Variants in TBL3 observed in about 807,000 individuals in gnomAD.
The protein encoded by TBL3 is transducin beta like 3.
In TBL3, 71 loss-of-function variants were observed where a neutral mutation model predicts 102.7. That is an observed-to-expected ratio of 0.69 (90% CI 0.57 to 0.84). The LOEUF is 0.84. Ranked by LOEUF, TBL3 falls within the 40% of genes least tolerant of loss-of-function variation. TBL3 has a pLI of 0.00. For missense variants in TBL3, 1,188 were observed against 1,098.5 expected (o/e 1.08, Z -1.15); for synonymous variants, 578 against 477.7 (o/e 1.21, Z -2.74).
At position 1,980,924 on chromosome 16, in the gene TBL3, C is replaced by A. The variant is rs1407940530; in HGVS notation, c.*2239C>A. 6.2e-7 allele frequency: 1 copy of A among 1,609,858 alleles called. No individual in the cohort carries two copies. The highest frequency in any genetic ancestry group is 1.3e-5 in the African/African-American group (1 of 74,890). ...AGCCGCCACCGCGGCATCAGGGTGG[C>A]CCAGGGTCACTCACCTTGAGCTGCC... On this transcript the variant is annotated 3_prime_UTR_variant, in exon 22 of 22. Coordinates refer to ENST00000568546, the MANE Select transcript of TBL3 (RefSeq NM_006453.3).
rs1160039893 is a variant in TBL3 at position 1,979,343 on chromosome 16, G to C, written c.*658G>C. 3 of 1,576,590 alleles carry C rather than the reference G, an allele frequency of 1.9e-6. No individual in the cohort carries two copies. Among genetic ancestry groups the C allele is most frequent in the Non-Finnish European group, 2.6e-6 (3 of 1,168,752 alleles). On this transcript the variant is annotated 3_prime_UTR_variant, in exon 22 of 22. Coordinates refer to ENST00000568546, the MANE Select transcript of TBL3 (RefSeq NM_006453.3). ...CCGCGGGGAGTAGGCCCGCCCGGTC[G>C]CCGTACCTGCGAGGGGCGGGGTGTG...
Position 1,978,639 on chromosome 16 carries a change from C to T in TBL3, c.2381C>T (p.Ala794Val). The T allele has an allele frequency of 6.2e-7, 1 of 1,612,652 alleles. No homozygotes were observed. The highest frequency in any genetic ancestry group is 8.5e-7 in the Non-Finnish European group (1 of 1,179,808). The change falls in exon 22 of 22, where the codon GCC becomes GTC. Residue 794 changes from alanine (A) to valine (V), a missense_variant. Physicochemically the swap from Ala to Val is moderately conservative, Grantham distance 64. Coordinates refer to ENST00000568546, the MANE Select transcript of TBL3 (RefSeq NM_006453.3). ...LWHNMKLPVP[A>V]AAPTPWETHK... is the part of the protein sequence containing the mutation. ...CACAACATGAAGCTCCCTGTGCCGG[C>T]CGCCGCCCCCACCCCCTGGGAAACC...
intron 21 of TBL3, 28 bp from the exon 22 acceptor site, chr16:1,978,524 C>T: frequency 6.3e-7 from 1 of 1,592,182 alleles, no homozygotes; most frequent in Non-Finnish European, 8.6e-7. Flanking sequence ...GTGGACCACC[C>T]CCCTGACCTC....
At chr16:1,977,821 C>G (rs1435560861) in intron 18 of TBL3, 21 bp downstream of exon 18, 8 of 1,558,042 alleles carry the variant, frequency 5.1e-6, no homozygotes, top group Non-Finnish European at 7.0e-6. Flanking sequence ...GGCAGTGGCG[C>G]CCCTCCCCGC....
rs779278049 is a variant in TBL3, at chr16:1,978,028, G to C, written c.2029G>C (p.Asp677His). 1 of 1,607,754 alleles carries C rather than the reference G, an allele frequency of 6.2e-7. No individual in the cohort carries two copies. Among genetic ancestry groups the C allele is most frequent in the East Asian group, 2.2e-5 (1 of 44,834 alleles). Residue 677 changes from aspartate to histidine, a missense_variant, in exon 19 of 22, where the codon GAT becomes CAT. Physicochemically the swap from Asp to His is moderately conservative, Grantham distance 81. Transcript: ENST00000568546. Reference protein sequence around the residue: ...LRALGLAISLDRPHTVLTVIQ... With the variant: ...LRALGLAISLHRPHTVLTVIQ... ...GGCGCTGGGCCTGGCCATCTCCCTG[G>C]ATCGGCCCCACACCGTGCTGACTGT...
At chr16:1,976,003 G>C (rs945712841) in intron 11 of TBL3, 53 bp from the exon 12 acceptor site, 1 of 1,614,122 alleles carries the variant, frequency 6.2e-7, no homozygotes, top group Middle Eastern at 1.6e-4. Context: ...TCCCTTGCTT[G>C]CTTCCCTTCC....
rs1207209232 is a variant in TBL3 at position 1,979,769 on chromosome 16, G to A, written c.*1084G>A. 3 of 1,487,400 alleles carry A rather than the reference G, an allele frequency of 2.0e-6. No homozygotes were observed. The South Asian group carries it at 3.7e-5, about 18-fold the overall frequency. 92.1% of individuals were successfully genotyped at this position (1,487,400 alleles called of 1,614,324 possible). A position where few individuals can be genotyped will look rare whatever the true frequency, so the allele number is the denominator to read the frequency against. On this transcript the variant is annotated 3_prime_UTR_variant, in exon 22 of 22. Coordinates refer to ENST00000568546, the MANE Select transcript of TBL3 (RefSeq NM_006453.3). ...CGGTCAAGCCGCAGTGGTGGCGTGA[G>A]GGGTGGGGTTAGGCGCATACCGCTG...
rs1187924287 is a variant in TBL3 at position 1,978,810 on chromosome 16, C to CA, written c.*126dup. On this transcript the variant is annotated 3_prime_UTR_variant, in exon 22 of 22. Coordinates refer to ENST00000568546, the MANE Select transcript of TBL3 (RefSeq NM_006453.3). Reference sequence around the variant, plus strand: ...CACCCTGGCCAACACCCTACCTAGCCAGCCAGAAGGGCACTGGAGCTGATG... The same window carrying CA: ...CACCCTGGCCAACACCCTACCTAGCCAAGCCAGAAGGGCACTGGAGCTGATG... 7 of 1,322,120 alleles carry CA rather than the reference C, an allele frequency of 5.3e-6. No homozygotes were observed. In the African/African-American group the frequency reaches 1.0e-4, roughly 19 times the overall value. 81.9% of individuals were successfully genotyped at this position (1,322,120 alleles called of 1,614,324 possible).
In TBL3 at chr16:1,980,096, G is replaced by A. The variant is rs764216170; in HGVS notation, c.*1411G>A. The A allele has an allele frequency of 1.2e-6, 2 of 1,607,900 alleles. No individual in the cohort carries two copies. The highest frequency in any genetic ancestry group is 1.7e-5 in the Admixed American group (1 of 59,354). On this transcript the variant is annotated 3_prime_UTR_variant, in exon 22 of 22. Coordinates refer to ENST00000568546, the MANE Select transcript of TBL3 (RefSeq NM_006453.3). ...GTACAGAAGGGCTGCAGGCAGCGCA[G>A]GCTCTGAGCCTCCAGACTGTGGATG...
In TBL3 at chr16:1,980,064, G is replaced by GTATCTGTA; in HGVS notation, c.*1380_*1381insATCTGTAT. On this transcript the variant is annotated 3_prime_UTR_variant, in exon 22 of 22. Transcript: ENST00000568546. ...GCGCCTGAAAAGGCCTATCCCGCGT[G>GTATCTGTA]TCCTGGGTACAGAAGGGCTGCAGGC... 1.9e-6 allele frequency: 3 copies of GTATCTGTA among 1,607,996 alleles called. No individual in the cohort carries two copies.
At position 1,973,962 on chromosome 16, in the gene TBL3, T is replaced by C. The variant is rs563251099; in HGVS notation, c.42-94T>C. 2.5e-5 allele frequency: 33 copies of C among 1,329,586 alleles called. No homozygotes were observed. The African/African-American group carries it at 2.9e-4, about 12-fold the overall frequency. 82.4% of individuals were successfully genotyped at this position (1,329,586 alleles called of 1,614,324 possible). A position where few individuals can be genotyped will look rare whatever the true frequency, so the allele number is the denominator to read the frequency against. The stretch of plus-strand genomic sequence containing the variant: ...CCCAGAAACTCAAGGGCAGGGGCCA[T>C]TGGGGTCACTTGGAGAGGAGCACCT... On this transcript the variant is annotated intron_variant, in intron 1 of 21. Coordinates refer to ENST00000568546, the MANE Select transcript of TBL3 (RefSeq NM_006453.3).
At chr16:1,973,037 AG>A (rs993853338) in intron 1 of TBL3, among the ~76,000 whole-genome samples, 3 of 152,122 alleles carry the variant, frequency 2.0e-5, no homozygotes, top group Non-Finnish European at 2.9e-5. Flanking sequence ...AGGGTGGCAG[AG>A]GCTCTTCTGG....
In TBL3 at chr16:1,977,948, C is replaced by G. The variant is rs1397469531; in HGVS notation, c.1959-10C>G. 1.9e-6 allele frequency: 3 copies of G among 1,592,420 alleles called. No homozygotes were observed. The highest frequency in any genetic ancestry group is 2.6e-6 in the Non-Finnish European group (3 of 1,169,348). On this transcript the variant is annotated splice_polypyrimidine_tract_variant and intron_variant, in intron 18 of 21. Coordinates refer to ENST00000568546, the MANE Select transcript of TBL3 (RefSeq NM_006453.3). ...GCGGCCCTCAGTGGCCTCTCCTCCC[C>G]TCCCCACAGGCAGCAAGAGCTGGAC...
At position 1,977,615 on chromosome 16, in the gene TBL3, G is replaced by A. The variant is rs201010941; in HGVS notation, c.1844G>A (p.Arg615Gln). The A allele has an allele frequency of 7.3e-5, 114 of 1,558,026 alleles. No individual in the cohort carries two copies. The South Asian group carries it at 8.9e-4, about 12-fold the overall frequency. The change falls in exon 17 of 22, where the codon CGG becomes CAG. Residue 615 changes from arginine to glutamine, a missense_variant. Coordinates refer to ENST00000568546, the MANE Select transcript of TBL3 (RefSeq NM_006453.3). ...AAGGTCTGGGGGCTGCACTGCAGCCGGCTGGACGACCACGCCCTCACTGGG... is the reference window on the plus strand; with the variant it reads ...AAGGTCTGGGGGCTGCACTGCAGCCAGCTGGACGACCACGCCCTCACTGGG... ...EDKVWGLHCSRLDDHALTGAS... is the reference protein window; with the variant it reads ...EDKVWGLHCSQLDDHALTGAS...
At position 1,979,640 on chromosome 16, in the gene TBL3, C is replaced by T. The variant is rs1453661152; in HGVS notation, c.*955C>T. On this transcript the variant is annotated 3_prime_UTR_variant, in exon 22 of 22. Coordinates refer to ENST00000568546, the MANE Select transcript of TBL3 (RefSeq NM_006453.3). The stretch of plus-strand genomic sequence containing the variant: ...TCTCCTTGCTTGAGTCTGCTGACGG[C>T]GGGGCCGCTCTAAGACCGGTTCGGG... 1.5e-6 allele frequency: 2 copies of T among 1,292,088 alleles called. No individual in the cohort carries two copies. The highest frequency in any genetic ancestry group is 1.9e-4 in the Middle Eastern group (1 of 5,308). The allele number at this position is 1,292,088 out of a possible 1,614,324, so 80.0% of individuals were successfully genotyped here. A position where few individuals can be genotyped will look rare whatever the true frequency, so the allele number is the denominator to read the frequency against.
chr16:1,975,804 G>A lies in TBL3; in HGVS notation c.988-4G>A, dbSNP rs762166959. 30 of 1,613,994 alleles carry A rather than the reference G, an allele frequency of 1.9e-5. No homozygotes were observed. The highest frequency in any genetic ancestry group is 9.9e-5 in the South Asian group (9 of 91,094). ...CACATCTCCTGCTCCCTGCCACCCCGCAGTTCGCTGGCTACAGTGAGGAGG... is the reference window on the plus strand; with the variant it reads ...CACATCTCCTGCTCCCTGCCACCCCACAGTTCGCTGGCTACAGTGAGGAGG... On this transcript the variant is annotated splice_region_variant and splice_polypyrimidine_tract_variant and intron_variant, in intron 10 of 21. Transcript: ENST00000568546.
intron 1 of TBL3, 27 bp from the exon 2 acceptor site, chr16:1,974,029 C>G (rs189813889): frequency 8.5e-4 from 1,306 of 1,528,198 alleles, no homozygotes; most frequent in Middle Eastern, 1.1e-3. Flanking sequence ...GTGGGTGGTG[C>G]TCATTCGCCT....
At chr16:1,976,681 ACCCAGGCCAACCCGCATCC>A in intron 13 of TBL3, 114 bp from the exon 14 acceptor site, 1 of 1,031,934 alleles carries the variant, frequency 9.7e-7, no homozygotes, top group Non-Finnish European at 1.4e-6. Context: ...CCTGGGGGTG[ACCCAGGCCAACCCGCATCC>A]TGGGACAGGC....
At position 1,972,196 on chromosome 16, in the gene TBL3, T is replaced by G. The variant is rs1165844616; in HGVS notation, c.32T>G (p.Phe11Cys). 7.1e-7 allele frequency: 1 copy of G among 1,411,482 alleles called. No individual in the cohort carries two copies. The highest frequency in any genetic ancestry group is 3.0e-5 in the East Asian group (1 of 32,994). 87.4% of individuals were successfully genotyped at this position (1,411,482 alleles called of 1,614,324 possible). Reference sequence around the variant, plus strand: ...GAGACCGCGGCCGGAGTGGGCCGCTTCAAGACCAAGTGAGCCCGGAGCTCT... The same window carrying G: ...GAGACCGCGGCCGGAGTGGGCCGCTGCAAGACCAAGTGAGCCCGGAGCTCT... MAETAAGVGRFKTNYAVERKI... is the reference protein window; with the variant it reads MAETAAGVGRCKTNYAVERKI... The change falls in exon 1 of 22, where the codon TTC becomes TGC. Residue 11 changes from phenylalanine (F) to cysteine (C), a missense_variant. By Grantham distance (205) the Phe-to-Cys change is radical. Transcript: ENST00000568546.
Sources: allele counts gnomAD v4.1 joint callset (sites outside exome capture counted in the v4.1 genomes callset), GRCh38; gene constraint gnomAD v4.1.1; transcripts MANE v1.5; gene names NCBI Gene and HGNC (gene_info 2026-07-23, HGNC 2026-07-21).